Variants in NEXMIF observed in about 807,000 individuals in gnomAD.
NEXMIF encodes the protein XLMR protein related to neurite extension.
A neutral mutation model predicts 62.1 loss-of-function variants in NEXMIF; 8 were observed. That is an observed-to-expected ratio of 0.13 (90% CI 0.08 to 0.23). NEXMIF has a LOEUF of 0.23. Among genes scored for constraint, NEXMIF ranks in the 10% least tolerant of loss-of-function variants. NEXMIF has a pLI of 1.00. For missense variants in NEXMIF, 976 were observed against 1,113.3 expected (o/e 0.88, Z 1.75); for synonymous variants, 404 against 416.6 (o/e 0.97, Z 0.37).
intron 1 of NEXMIF, among the ~76,000 whole-genome samples, chrX:74,808,396 A>T (rs1259077149): frequency 9.0e-6 from 1 of 111,592 alleles, no homozygotes; most frequent in Non-Finnish European, 1.9e-5. Context: ...AAAGTGAGTG[A>T]GACTCTGTCT....
At chrX:74,917,105 T>C (rs2080809718) in intron 1 of NEXMIF, among the ~76,000 whole-genome samples, 2 of 112,100 alleles carry the variant, frequency 1.8e-5, no homozygotes, top group Admixed American at 1.9e-4. Flanking sequence ...TGGATTTGTG[T>C]CCCTGCCCAA....
At chrX:74,801,737 A>G (rs774844135) in intron 1 of NEXMIF, among the ~76,000 whole-genome samples, 1 of 112,680 alleles carries the variant, frequency 8.9e-6, no homozygotes, top group African/African-American at 3.2e-5. Context: ...CCACAGGGGC[A>G]TAGAGCATCA....
At chrX:74,746,260 G>T (rs771947220) in intron 1 of NEXMIF, among the ~76,000 whole-genome samples, 1 of 111,842 alleles carries the variant, frequency 8.9e-6, no homozygotes, top group Non-Finnish European at 1.9e-5. Context: ...TTGGTTTCTC[G>T]ACTTCCAGGA....
At chrX:74,861,725 AT>A (rs1050914482) in intron 1 of NEXMIF, among the ~76,000 whole-genome samples, 5 of 111,838 alleles carry the variant, frequency 4.5e-5, no homozygotes, top group Admixed American at 1.9e-4. Flanking sequence ...CCAACCCAGA[AT>A]TTCATATCTG....
intron 1 of NEXMIF, among the ~76,000 whole-genome samples, chrX:74,747,972 T>C (rs1335257051): frequency 2.7e-5 from 3 of 112,110 alleles, no homozygotes; most frequent in Non-Finnish European, 3.8e-5. Flanking sequence ...ATATTAGTGC[T>C]GCTGTAACTT....
In NEXMIF at chrX:74,743,639, A is replaced by T; in HGVS notation, c.918T>A (p.Asp306Glu). ...CATATCGAATTTTCAGGGAGCAGAC[A>T]TCACTGCCTAGTGTTGATTCATCAT... ...FDDDESTLGS[D>E]VCSLKIRYES... Residue 306 changes from aspartate to glutamate, a missense_variant, in exon 3 of 4, where the codon GAT becomes GAA. Asp to Glu is a conservative substitution (Grantham distance 45). Transcript: ENST00000055682. 2 of 1,211,675 alleles carry T rather than the reference A, an allele frequency of 1.7e-6. No homozygotes were observed. Among genetic ancestry groups the T allele is most frequent in the Non-Finnish European group, 2.2e-6 (2 of 895,196 alleles).
intron 1 of NEXMIF, among the ~76,000 whole-genome samples, chrX:74,924,368 G>A (rs754815272): frequency 8.9e-6 from 1 of 112,969 alleles, no homozygotes; most frequent in African/African-American, 3.2e-5. Flanking sequence ...AGCCTCGGCC[G>A]AGTGGCGCGT....
intron 1 of NEXMIF, among the ~76,000 whole-genome samples, chrX:74,761,742 G>A (rs771118791): frequency 1.8e-5 from 2 of 110,030 alleles, no homozygotes; most frequent in Non-Finnish European, 3.8e-5. Flanking sequence ...CTCTGATTTT[G>A]GTTATTTCTT....
chrX:74,816,743 C>A (rs1253632794), intron 1 of NEXMIF, among the ~76,000 whole-genome samples: 1 of 111,788 alleles, frequency 8.9e-6, no homozygotes, highest in African/African-American at 3.2e-5. Context: ...CCTGAAATTT[C>A]TTACTTTTGT....
intron 1 of NEXMIF, among the ~76,000 whole-genome samples, chrX:74,797,810 T>C (rs746403319): frequency 1.8e-5 from 2 of 111,921 alleles, no homozygotes; most frequent in South Asian, 7.6e-4. Context: ...CCAGCTGCTT[T>C]ACCAAGCTCA....
intron 1 of NEXMIF, among the ~76,000 whole-genome samples, chrX:74,843,555 C>A (rs185488810): frequency 9.0e-6 from 1 of 110,598 alleles, no homozygotes; most frequent in Non-Finnish European, 1.9e-5. Context: ...GCTGGGACTA[C>A]AGGCGCCTGC....
intron 1 of NEXMIF, among the ~76,000 whole-genome samples, chrX:74,795,186 T>C (rs181273244): frequency 8.9e-6 from 1 of 112,380 alleles, no homozygotes; most frequent in African/African-American, 3.2e-5. Context: ...TCTAGGTATT[T>C]ACCCAAGTGA....
At chrX:74,800,017 T>C (rs768856439) in intron 1 of NEXMIF, among the ~76,000 whole-genome samples, 1 of 110,580 alleles carries the variant, frequency 9.0e-6, no homozygotes, top group Non-Finnish European at 1.9e-5. Context: ...AATGAGAAAA[T>C]AGAAAGCCTA....
At chrX:74,907,672 G>T (rs1366155003) in intron 1 of NEXMIF, among the ~76,000 whole-genome samples, 1 of 111,293 alleles carries the variant, frequency 9.0e-6, no homozygotes, top group Non-Finnish European at 1.9e-5. Context: ...ATGTTTGTGA[G>T]GCCAAATGAA....
intron 1 of NEXMIF, among the ~76,000 whole-genome samples, chrX:74,880,455 T>C (rs2080658379): frequency 8.9e-6 from 1 of 111,834 alleles, no homozygotes; most frequent in South Asian, 3.8e-4. Flanking sequence ...CCCTTGGTTA[T>C]AACATTTGGT....
intron 1 of NEXMIF, among the ~76,000 whole-genome samples, chrX:74,822,107 CA>C (rs1243817187): frequency 9.0e-6 from 1 of 111,447 alleles, no homozygotes; most frequent in African/African-American, 3.3e-5. Flanking sequence ...GTCTTTTCAA[CA>C]AATGTTGCTG....
At chrX:74,881,238 T>C in intron 1 of NEXMIF, among the ~76,000 whole-genome samples, 1 of 111,184 alleles carries the variant, frequency 9.0e-6, no homozygotes, top group East Asian at 2.8e-4. Flanking sequence ...CCTACAACCT[T>C]TGGGGAGCCT....
At chrX:74,907,554 T>C (rs989116661) in intron 1 of NEXMIF, among the ~76,000 whole-genome samples, 1 of 110,528 alleles carries the variant, frequency 9.0e-6, no homozygotes, top group Non-Finnish European at 1.9e-5. Flanking sequence ...GAGATCATCA[T>C]CTCTAGACCA....
At chrX:74,784,347 A>G (rs1407287120) in intron 1 of NEXMIF, among the ~76,000 whole-genome samples, 1 of 111,499 alleles carries the variant, frequency 9.0e-6, no homozygotes, top group Non-Finnish European at 1.9e-5. Context: ...ATATATAGCT[A>G]TGATAAGAAA....
Sources: gnomAD v4.1 joint callset for allele counts (sites outside exome capture counted in the v4.1 genomes callset) on GRCh38, gnomAD v4.1.1 for gene constraint, MANE v1.5 for transcripts, NCBI Gene and HGNC (gene_info 2026-07-23, HGNC 2026-07-21) for gene names.